The following ZCCHC4 variants were observed in gnomAD, a reference collection of about 807,000 sequenced individuals.
ZCCHC4 encodes rRNA N(6)-adenosine-methyltransferase ZCCHC4.
ZCCHC4 carries 54 observed loss-of-function variants against 67.7 expected under a neutral mutation model. The observed-to-expected ratio is 0.80, with a 90% CI of 0.64 to 1.00. The LOEUF is 1.00. Ranked by LOEUF, ZCCHC4 falls within the 50% of genes least tolerant of loss-of-function variation. The pLI is 0.00. For missense variants in ZCCHC4, 609 were observed against 617.0 expected (o/e 0.99, Z 0.14); for synonymous variants, 198 against 213.5 (o/e 0.93, Z 0.63).
At chr4:25,338,767 A>G (rs10939054) in intron 5 of ZCCHC4, among the ~76,000 whole-genome samples, 14,110 of 152,222 alleles carry the variant, frequency 0.093, 792 homozygotes, top group African/African-American at 0.15. Flanking sequence ...ATTCTACTAT[A>G]CGGATATACC....
At chr4:25,329,133 G>A (rs1719044128) in intron 3 of ZCCHC4, among the ~76,000 whole-genome samples, 1 of 152,116 alleles carries the variant, frequency 6.6e-6, no homozygotes, top group Admixed American at 6.5e-5. Flanking sequence ...GCTGCAGTGA[G>A]CTGTGATCAC....
At chr4:25,337,782 A>G (rs1483808049) in intron 5 of ZCCHC4, among the ~76,000 whole-genome samples, 1 of 152,188 alleles carries the variant, frequency 6.6e-6, no homozygotes, top group Non-Finnish European at 1.5e-5. Context: ...TGATCTTTCT[A>G]ATAGTATGGT....
At chr4:25,316,478 C>T (rs10012973) in intron 3 of ZCCHC4, among the ~76,000 whole-genome samples, 79,449 of 152,088 alleles carry the variant, frequency 0.52, 21,997 homozygotes, top group Non-Finnish European at 0.61. Flanking sequence ...TTGCCAACAC[C>T]TATTATTTCT....
chr4:25,366,202 A>G (rs1339209649), intron 12 of ZCCHC4: 9 of 971,502 alleles, frequency 9.3e-6, no homozygotes, highest in Non-Finnish European at 1.1e-5. Context: ...TCTGGCTACT[A>G]TTACAACTGC....
At chr4:25,342,740 C>G (rs1719815542) in intron 5 of ZCCHC4, among the ~76,000 whole-genome samples, 2 of 152,072 alleles carry the variant, frequency 1.3e-5, no homozygotes, top group Non-Finnish European at 2.9e-5. Context: ...GAGAATAATT[C>G]TTTGTGGCCA....
intron 3 of ZCCHC4, among the ~76,000 whole-genome samples, chr4:25,320,078 C>T (rs1160455678): frequency 6.6e-6 from 1 of 152,094 alleles, no homozygotes; most frequent in Non-Finnish European, 1.5e-5. Context: ...TCTAGGTTTA[C>T]AGAGTAGGAT....
intron 11 of ZCCHC4, 88 bp downstream of exon 11, chr4:25,364,593 A>G: frequency 8.5e-7 from 1 of 1,170,946 alleles, no homozygotes; most frequent in Non-Finnish European, 1.2e-6. Context: ...GGATTTATAA[A>G]CGAAAAAATA....
In ZCCHC4 at chr4:25,351,646, G is replaced by A; in HGVS notation, c.968G>A (p.Arg323Gln). The A allele has an allele frequency of 3.1e-6, 5 of 1,611,768 alleles. No individual in the cohort carries two copies. In the South Asian group the frequency reaches 3.3e-5, roughly 11 times the overall value. The change falls in exon 8 of 13, where the codon CGA becomes CAA. Residue 323 changes from arginine (R) to glutamine (Q), a missense_variant. Coordinates refer to ENST00000302874, the MANE Select transcript of ZCCHC4 (RefSeq NM_024936.3). The stretch of plus-strand genomic sequence containing the variant: ...ATTTTCCCCTATTTTTTTGAATCCC[G>A]AATTTGTCAGTTTTTTCCAAGCTTC... ...FWIFPYFFES[R>Q]ICQFFPSFQM...
intron 5 of ZCCHC4, among the ~76,000 whole-genome samples, chr4:25,338,978 C>G (rs910114804): frequency 2.0e-5 from 3 of 152,162 alleles, no homozygotes; most frequent in African/African-American, 7.2e-5. Flanking sequence ...AATTTATTCT[C>G]TCACAGTTCT....
rs1158037387 is a variant in ZCCHC4, at chr4:25,359,340, G to A, written c.1012-2519G>A. On this transcript the variant is annotated intron_variant, in intron 8 of 12. Transcript: ENST00000302874. This position sits in a 1 kb window ranked among gnomAD's most constrained non-coding sequence, Gnocchi z 4.9. ...ACCAGGTACAGATGGGGCACCTGGA[G>A]GCCTGGCTACACAGCTCAGAAAAAG... Among the ~76,000 whole-genome samples, 1 of 152,184 alleles carries A rather than the reference G, an allele frequency of 6.6e-6. No individual in the cohort carries two copies. Among genetic ancestry groups the A allele is most frequent in the African/African-American group, 2.4e-5 (1 of 41,446 alleles).
chr4:25,327,832 G>A (rs1404522418), intron 3 of ZCCHC4, among the ~76,000 whole-genome samples: 4 of 152,032 alleles, frequency 2.6e-5, no homozygotes, highest in Admixed American at 2.6e-4. Flanking sequence ...TGCGTTTTTG[G>A]GGGGCACCTA....
At chr4:25,315,464 T>C in intron 3 of ZCCHC4, 64 bp downstream of exon 3, 5 of 1,244,072 alleles carry the variant, frequency 4.0e-6, no homozygotes, top group Non-Finnish European at 5.6e-6. Context: ...ATTGCCTTTT[T>C]CTGTGCCTTT....
chr4:25,326,664 G>A (rs569320428), intron 3 of ZCCHC4, among the ~76,000 whole-genome samples: 21 of 152,048 alleles, frequency 1.4e-4, no homozygotes, highest in African/African-American at 4.8e-4. Flanking sequence ...AGTTGTTTCC[G>A]CTATTATAGG....
intron 6 of ZCCHC4, 112 bp from the exon 7 acceptor site, chr4:25,349,378 CTT>C: frequency 1.0e-6 from 1 of 983,756 alleles, no homozygotes; most frequent in Non-Finnish European, 1.5e-6. Context: ...GGCAAGATGA[CTT>C]GGTAAAGTTT....
At chr4:25,341,810 G>GT (rs1471908410) in intron 5 of ZCCHC4, among the ~76,000 whole-genome samples, 1 of 152,154 alleles carries the variant, frequency 6.6e-6, no homozygotes, top group Non-Finnish European at 1.5e-5. Flanking sequence ...CACGTTGTTT[G>GT]TAACTGATCT....
chr4:25,332,660 A>G (rs1311303876), intron 3 of ZCCHC4, among the ~76,000 whole-genome samples: 1 of 152,178 alleles, frequency 6.6e-6, no homozygotes, highest in African/African-American at 2.4e-5. Context: ...GTTGTTTTGG[A>G]GGTGAGCTTA....
At chr4:25,344,835 C>CTA (rs1161809321) in intron 5 of ZCCHC4, among the ~76,000 whole-genome samples, 2 of 149,272 alleles carry the variant, frequency 1.3e-5, no homozygotes, top group African/African-American at 4.9e-5. Context: ...CAAGGTCTGG[C>CTA]TATAGCGTCC....
Position 25,362,223 on chromosome 4 carries a change from T to C in ZCCHC4, c.1134-3T>C. The C allele has an allele frequency of 6.2e-7, 1 of 1,608,140 alleles. No individual in the cohort carries two copies. ...CAGCTGATTTCTCTGTCCTTTACTC[T>C]AGATTTTGCTCTCCGTGTCAACGGT... On this transcript the variant is annotated splice_polypyrimidine_tract_variant and splice_region_variant and intron_variant, in intron 9 of 12. Transcript: ENST00000302874.
Position 25,369,109 on chromosome 4 carries a change from C to G in ZCCHC4, c.1487C>G (p.Ser496Cys). The G allele has an allele frequency of 6.2e-7, 1 of 1,613,918 alleles. No homozygotes were observed. Among genetic ancestry groups the G allele is most frequent in the East Asian group, 2.2e-5 (1 of 44,850 alleles). ...TTKGQSMNHTSATRRKKRRER... is the reference protein window; with the variant it reads ...TTKGQSMNHTCATRRKKRRER... ...AAAGGACAATCCATGAATCATACAT[C>G]TGCTACAAGGAGAAAGAAAAGGAGG... Residue 496 changes from serine to cysteine, a missense_variant, in exon 13 of 13, where the codon TCT becomes TGT. Coordinates refer to ENST00000302874, the MANE Select transcript of ZCCHC4 (RefSeq NM_024936.3).
Sources: gnomAD v4.1 joint callset for allele counts (sites outside exome capture counted in the v4.1 genomes callset) on GRCh38, gnomAD v4.1.1 for gene constraint, Gnocchi (gnomAD v3.1) non-coding constraint, MANE v1.5 for transcripts, NCBI Gene and HGNC (gene_info 2026-07-23, HGNC 2026-07-21) for gene names.